TTC17: variants seen among roughly 807,000 people sequenced by gnomAD.
The protein encoded by TTC17 is tetratricopeptide repeat domain 17.
In TTC17, 58 loss-of-function variants were observed where a neutral mutation model predicts 143.8. The ratio of observed to expected loss-of-function variants is 0.40; its 90% CI spans 0.33 to 0.50. The LOEUF is 0.50. Ranked by LOEUF, TTC17 falls within the 20% of genes least tolerant of loss-of-function variation. TTC17 has a pLI of 0.49. For missense variants in TTC17, 1,273 were observed against 1,392.5 expected, an observed-to-expected ratio of 0.91 and a Z score of 1.37; for synonymous variants, 501 against 497.8, an observed-to-expected ratio of 1.01 and a Z score of -0.09.
intron 21 of TTC17, among the ~76,000 whole-genome samples, chr11:43,489,108 A>G (rs77272669): frequency 2.1e-4 from 32 of 152,360 alleles, no homozygotes; most frequent in South Asian, 1.2e-3. Context: ...ACAAAGTACC[A>G]TAAGTCCAAA....
intron 1 of TTC17, 38 bp from the exon 2 acceptor site, chr11:43,379,195 T>C: frequency 6.3e-7 from 1 of 1,577,636 alleles, no homozygotes; most frequent in Non-Finnish European, 8.7e-7. Context: ...CCAGCATTAA[T>C]GAAATCCGAG....
At chr11:43,375,194 G>C (rs1005846198) in intron 1 of TTC17, among the ~76,000 whole-genome samples, 1 of 152,140 alleles carries the variant, frequency 6.6e-6, no homozygotes, top group Non-Finnish European at 1.5e-5. Flanking sequence ...CAAAGTTCTG[G>C]ATTAGAGTCT....
intron 16 of TTC17, among the ~76,000 whole-genome samples, chr11:43,438,657 A>G (rs1273957462): frequency 6.6e-6 from 1 of 152,082 alleles, no homozygotes; most frequent in African/African-American, 2.4e-5. Flanking sequence ...TGTCGGTCAG[A>G]TTTTGTTGGC....
rs913329152 is a variant in TTC17 at position 43,436,759 on chromosome 11, C to T, written c.2252-6566C>T. ...GTTCTTGCTAAGATTATCAGAATTG[C>T]CAAAACGCATGACTTCTTTTTAGTA... On this transcript the variant is annotated intron_variant, in intron 16 of 23. Transcript: ENST00000039989. Among the ~76,000 whole-genome samples the T allele has an allele frequency of 4.6e-5, 7 of 152,300 alleles. No individual in the cohort carries two copies. In the South Asian group the frequency reaches 1.5e-3, roughly 32 times the overall value.
chr11:43,459,670 AGTACAGGTGGTCGTCCACTTATGATG>A (rs1439323840), intron 21 of TTC17, among the ~76,000 whole-genome samples: 4 of 152,194 alleles, frequency 2.6e-5, no homozygotes, highest in Non-Finnish European at 5.9e-5. Flanking sequence ...ATCTTTCTGA[AGTACAGGTGGTCGTCCACTTATGATG>A]GTTCAACTTA....
intron 20 of TTC17, 69 bp from the exon 21 acceptor site, chr11:43,451,113 G>C: frequency 6.8e-7 from 1 of 1,478,724 alleles, no homozygotes; most frequent in Admixed American, 1.7e-5. Context: ...GCCCAACTCA[G>C]CATTAGCAGT....
intron 2 of TTC17, among the ~76,000 whole-genome samples, chr11:43,380,539 G>A (rs888870575): frequency 4.6e-5 from 7 of 151,848 alleles, no homozygotes; most frequent in Non-Finnish European, 7.4e-5. Flanking sequence ...ACAGGCATGA[G>A]TCACCGTGCC....
chr11:43,381,597 A>C (rs889845533), intron 2 of TTC17, among the ~76,000 whole-genome samples: 5 of 152,206 alleles, frequency 3.3e-5, no homozygotes, highest in Non-Finnish European at 5.9e-5. Flanking sequence ...ATAACCAAAA[A>C]AAGGAACTGA....
At position 43,396,781 on chromosome 11, in the gene TTC17, G is replaced by A; in HGVS notation, c.736G>A (p.Val246Ile). Residue 246 changes from valine to isoleucine, a missense_variant, in exon 6 of 24, where the codon GTA becomes ATA. Around this residue, in one of 3 missense-constraint regions of TTC17, gnomAD observed 325 missense variants for 444.2 expected, o/e 0.73. Transcript: ENST00000039989. The stretch of plus-strand genomic sequence containing the variant: ...AATTAAGAATGAGCCATATCAGGTA[G>A]TAGAATGTGCCATGCGAGCACTTCA... ...WRIKNEPYQV[V>I]ECAMRALHFS... 1 of 1,610,896 alleles carries A rather than the reference G, an allele frequency of 6.2e-7. No individual in the cohort carries two copies. The highest frequency in any genetic ancestry group is 8.5e-7 in the Non-Finnish European group (1 of 1,177,580).
At chr11:43,379,143 G>C in intron 1 of TTC17, 90 bp from the exon 2 acceptor site, 2 of 1,189,038 alleles carry the variant, frequency 1.7e-6, no homozygotes, top group South Asian at 2.5e-5. Flanking sequence ...AATGGCGAAT[G>C]AACAATAATT....
intron 5 of TTC17, among the ~76,000 whole-genome samples, chr11:43,395,692 C>T (rs1158546185): frequency 6.6e-6 from 1 of 152,070 alleles, no homozygotes; most frequent in East Asian, 1.9e-4. Flanking sequence ...ATGAATAATG[C>T]AGGATTGTAC....
chr11:43,445,592 T>TA (rs1947523784), intron 18 of TTC17, among the ~76,000 whole-genome samples: 1 of 152,252 alleles, frequency 6.6e-6, no homozygotes, highest in African/African-American at 2.4e-5. Context: ...CGAGAGCACT[T>TA]AAGCAGTTTT....
chr11:43,418,961 C>A (rs1402203719), intron 16 of TTC17, among the ~76,000 whole-genome samples: 2 of 151,960 alleles, frequency 1.3e-5, no homozygotes, highest in Non-Finnish European at 2.9e-5. Flanking sequence ...TTGATACATT[C>A]GATTTTACTT....
intron 21 of TTC17, among the ~76,000 whole-genome samples, chr11:43,458,968 G>A (rs560681761): frequency 9.5e-5 from 12 of 125,726 alleles, no homozygotes; most frequent in South Asian, 2.4e-4. Context: ...TATAAGGTTC[G>A]AATAGTTTGT....
chr11:43,368,571 A>G (rs182538001), intron 1 of TTC17, among the ~76,000 whole-genome samples: 1 of 152,290 alleles, frequency 6.6e-6, no homozygotes, highest in African/African-American at 2.4e-5. Context: ...AATTCCAGTC[A>G]ATACTGTCTT....
intron 16 of TTC17, among the ~76,000 whole-genome samples, chr11:43,439,418 T>C (rs1384110854): frequency 6.6e-6 from 1 of 152,130 alleles, no homozygotes; most frequent in Non-Finnish European, 1.5e-5. Flanking sequence ...CAAGCTTCTT[T>C]TTGTTTTCAA....
At chr11:43,397,885 C>A in intron 7 of TTC17, 89 bp from the exon 8 acceptor site, 1 of 1,530,154 alleles carries the variant, frequency 6.5e-7, no homozygotes, top group Non-Finnish European at 8.8e-7. Context: ...CAGGCCGTGG[C>A]TAACATTTTT....
rs1033292746 is a variant in TTC17, at chr11:43,448,264, G to A, written c.2786+142G>A. 4.7e-6 allele frequency: 6 copies of A among 1,286,980 alleles called. No homozygotes were observed. In the African/African-American group the frequency reaches 6.0e-5, roughly 13 times the overall value. The allele number at this position is 1,286,980 out of a possible 1,614,324, so 79.7% of individuals were successfully genotyped here. On this transcript the variant is annotated intron_variant, in intron 19 of 23. Coordinates refer to ENST00000039989, the MANE Select transcript of TTC17 (RefSeq NM_018259.6). The stretch of plus-strand genomic sequence containing the variant: ...TTCAAAGGATGACCATGCTGACCAT[G>A]GCCCCCAGGTGGACCCAACCCATTG...
chr11:43,403,934 T>TA (rs1857990908), intron 10 of TTC17, 64 bp from the exon 11 acceptor site: 1 of 1,424,276 alleles, frequency 7.0e-7, no homozygotes. Flanking sequence ...TGGTGTGAGT[T>TA]AAATTATAAT....
Sources: gnomAD v4.1 joint callset for allele counts (sites outside exome capture counted in the v4.1 genomes callset) on GRCh38, gnomAD v4.1.1 for gene constraint, gnomAD v4.1.1 regional missense constraint, MANE v1.5 for transcripts, NCBI Gene and HGNC (gene_info 2026-07-23, HGNC 2026-07-21) for gene names.